The following ATOSA variants were observed in gnomAD, a reference collection of about 807,000 sequenced individuals.
ATOSA encodes atos homolog protein A.
At chr15:52,643,093 G>A in the ATOSA span, among the ~76,000 whole-genome samples, 3 of 152,062 alleles carry the variant, frequency 2.0e-5, no homozygotes, top group African/African-American at 7.2e-5. Context: ...TAAATCACTA[G>A]AATTCCTCCT....
At chr15:52,696,218 T>C in the ATOSA span, among the ~76,000 whole-genome samples, 2 of 152,120 alleles carry the variant, frequency 1.3e-5, no homozygotes, top group African/African-American at 4.8e-5. Flanking sequence ...CCATCCTCTG[T>C]CTTACCGAAG....
At chr15:52,655,587 ATTCT>A in the ATOSA span, among the ~76,000 whole-genome samples, 1 of 152,100 alleles carries the variant, frequency 6.6e-6, no homozygotes. Flanking sequence ...GAAATTCCTC[ATTCT>A]TTGTCTGCAA....
At chr15:52,683,421 A>G in the ATOSA span, among the ~76,000 whole-genome samples, 2 of 152,236 alleles carry the variant, frequency 1.3e-5, no homozygotes, top group African/African-American at 4.8e-5. Flanking sequence ...AGAAATGTTG[A>G]GAAGTGGTTC....
At chr15:52,605,683 G>T in the ATOSA span, among the ~76,000 whole-genome samples, 3 of 152,024 alleles carry the variant, frequency 2.0e-5, no homozygotes, top group African/African-American at 4.8e-5. Context: ...GTAATATGCT[G>T]AATAAATTAA....
At chr15:52,611,651 T>C in the ATOSA span, 1 of 1,614,040 alleles carries the variant, frequency 6.2e-7, no homozygotes, top group Non-Finnish European at 8.5e-7. Flanking sequence ...TTTAGATCAA[T>C]TCCCTCTGTG....
the ATOSA span, among the ~76,000 whole-genome samples, chr15:52,685,924 G>A: frequency 1.3e-5 from 2 of 152,072 alleles, no homozygotes; most frequent in African/African-American, 2.4e-5. Flanking sequence ...AGGAGTTCTC[G>A]CTATGTTGTC....
At chr15:52,681,889 C>T in the ATOSA span, among the ~76,000 whole-genome samples, 1 of 152,132 alleles carries the variant, frequency 6.6e-6, no homozygotes, top group African/African-American at 2.4e-5. Context: ...AACTGGTTTG[C>T]TCACTTTATG....
the ATOSA span, among the ~76,000 whole-genome samples, chr15:52,655,330 TAC>T: frequency 3.3e-5 from 5 of 152,170 alleles, no homozygotes; most frequent in Non-Finnish European, 5.9e-5. Flanking sequence ...TTACCATTAA[TAC>T]ACTGCTTGTA....
the ATOSA span, among the ~76,000 whole-genome samples, chr15:52,623,582 G>C: frequency 3.8e-4 from 57 of 151,994 alleles, no homozygotes; most frequent in Non-Finnish European, 7.2e-4. Context: ...TATAATGGAA[G>C]CCTTGAGAGA....
At chr15:52,631,447 T>C in the ATOSA span, among the ~76,000 whole-genome samples, 121 of 152,268 alleles carry the variant, frequency 7.9e-4, no homozygotes, top group Non-Finnish European at 1.2e-3. Context: ...GATGAAAATA[T>C]TAAGGTGAAG....
the ATOSA span, chr15:52,586,468 G>A: frequency 8.5e-5 from 13 of 152,254 alleles, 1 homozygote; most frequent in Admixed American, 8.5e-4. Context: ...GCCTTAGCTA[G>A]ACTCTCTTTC....
chr15:52,652,304 CAG>C, the ATOSA span, among the ~76,000 whole-genome samples: 1 of 152,176 alleles, frequency 6.6e-6, no homozygotes, highest in African/African-American at 2.4e-5. Context: ...GCTTTTAAAA[CAG>C]AGAAATTCGT....
At chr15:52,639,733 A>G in the ATOSA span, among the ~76,000 whole-genome samples, 119 of 152,216 alleles carry the variant, frequency 7.8e-4, no homozygotes, top group African/African-American at 2.7e-3. Context: ...GGCTCTCACT[A>G]TATGCCAGAT....
At chr15:52,640,005 G>C in the ATOSA span, among the ~76,000 whole-genome samples, 4 of 151,766 alleles carry the variant, frequency 2.6e-5, no homozygotes, top group African/African-American at 9.7e-5. Flanking sequence ...TGATCCGCCG[G>C]CCTCAGCTTC....
the ATOSA span, among the ~76,000 whole-genome samples, chr15:52,696,469 C>G: frequency 6.6e-6 from 1 of 152,184 alleles, no homozygotes; most frequent in Non-Finnish European, 1.5e-5. Flanking sequence ...GTACCCTTCT[C>G]ATTACAGAGG....
the ATOSA span, among the ~76,000 whole-genome samples, chr15:52,621,691 T>A: frequency 2.6e-5 from 4 of 152,184 alleles, no homozygotes; most frequent in Non-Finnish European, 5.9e-5. Context: ...TCTCTCTTGC[T>A]TGCTGCCACT....
At chr15:52,709,476 C>T in the ATOSA span, among the ~76,000 whole-genome samples, 57 of 152,312 alleles carry the variant, frequency 3.7e-4, no homozygotes, top group East Asian at 8.9e-3. Context: ...GGTTTAAAAA[C>T]TACAAGGTGC....
At chr15:52,678,194 A>T in the ATOSA span, 1 of 759,882 alleles carries the variant, frequency 1.3e-6, no homozygotes. Flanking sequence ...ACTACTGTTA[A>T]GTTAGGCCTC....
chr15:52,605,391 AT>A, the ATOSA span: 9 of 554,110 alleles, frequency 1.6e-5, no homozygotes, highest in Non-Finnish European at 2.7e-5. Context: ...GATATCCCTT[AT>A]CCAAAATACT....
Sources: gnomAD v4.1 joint callset for allele counts (sites outside exome capture counted in the v4.1 genomes callset) on GRCh38, gnomAD v4.1.1 for gene constraint, MANE v1.5 for transcripts, NCBI Gene and HGNC (gene_info 2026-07-23, HGNC 2026-07-21) for gene names.